Variants in HPS3 observed in about 807,000 individuals in gnomAD.
HPS3 encodes the protein HPS3 biogenesis of lysosomal organelles complex 2 subunit 1, also known as BLOC-2 complex member HPS3.
HPS3 carries 79 observed loss-of-function variants against 110.9 expected under a neutral mutation model. The ratio of observed to expected loss-of-function variants is 0.71; its 90% CI spans 0.59 to 0.86. The LOEUF is 0.86. Among genes scored for constraint, HPS3 ranks in the 40% least tolerant of loss-of-function variants. The pLI is 0.00. For missense variants in HPS3, 1,197 were observed against 1,206.2 expected (o/e 0.99, Z 0.11); for synonymous variants, 428 against 451.0 (o/e 0.95, Z 0.65).
rs759813448 is a variant in HPS3 at position 149,129,672 on chromosome 3, C to T, written c.-52C>T. ...CCTACATTCGCGGTCAGCGCGGGGT[C>T]TCCGGGCGCCCTGCAGGGCGGGCAG... On this transcript the variant is annotated 5_prime_UTR_variant, in exon 1 of 17. Transcript: ENST00000296051. 7 of 1,394,398 alleles carry T rather than the reference C, an allele frequency of 5.0e-6. No homozygotes were observed. The South Asian group carries it at 5.6e-5, about 11-fold the overall frequency. The allele number at this position is 1,394,398 out of a possible 1,614,324, so 86.4% of individuals were successfully genotyped here. A position where few individuals can be genotyped will look rare whatever the true frequency, so the allele number is the denominator to read the frequency against.
At chr3:149,162,621 C>T (rs143331107) in intron 12 of HPS3, 69 bp from the exon 13 acceptor site, 62 of 1,480,076 alleles carry the variant, frequency 4.2e-5, no homozygotes, top group Middle Eastern at 3.7e-4. Context: ...CTGTGATATT[C>T]AGCCCAGCTG....
At position 149,150,673 on chromosome 3, in the gene HPS3, C is replaced by A; in HGVS notation, c.1238C>A (p.Thr413Asn). 6.2e-7 allele frequency: 1 copy of A among 1,612,592 alleles called. No homozygotes were observed. The highest frequency in any genetic ancestry group is 8.5e-7 in the Non-Finnish European group (1 of 1,178,632). Residue 413 changes from threonine (T) to asparagine (N), a missense_variant, in exon 6 of 17, where the codon ACC becomes AAC. By Grantham distance (65) the Thr-to-Asn change is moderately conservative. Coordinates refer to ENST00000296051, the MANE Select transcript of HPS3 (RefSeq NM_032383.5). ...GAGGAGGACCCGTACATGGACACCA[C>A]CCTGAAGGTAAGAACTGGCTTATGA... ...AREEDPYMDT[T>N]LKACPPVSMD...
At chr3:149,160,807 C>G (rs571406430) in intron 11 of HPS3, among the ~76,000 whole-genome samples, 1 of 152,126 alleles carries the variant, frequency 6.6e-6, no homozygotes, top group African/African-American at 2.4e-5. Flanking sequence ...ATCATTTAAG[C>G]GAAGAAAATA....
At position 149,162,267 on chromosome 3, in the gene HPS3, G is replaced by T. The variant is rs745699167; in HGVS notation, c.2226G>T (p.Val742=). The change falls in exon 12 of 17, where the codon GTG becomes GTT. Residue 742 remains valine (V), a synonymous_variant. Coordinates refer to ENST00000296051, the MANE Select transcript of HPS3 (RefSeq NM_032383.5). ...HLKETQPGLL[V]ASVLGLQKNN... ...AGGAAACTCAGCCTGGATTGCTTGT[G>T]GCTTCAGTTCTGGGCTTGCAGAAGA... is the stretch of plus-strand genomic sequence containing the variant. 6.2e-7 allele frequency: 1 copy of T among 1,613,970 alleles called. No homozygotes were observed. The highest frequency in any genetic ancestry group is 8.5e-7 in the Non-Finnish European group (1 of 1,179,948).
intron 5 of HPS3, among the ~76,000 whole-genome samples, chr3:149,146,091 A>T (rs577809456): frequency 1.3e-5 from 2 of 152,336 alleles, no homozygotes; most frequent in South Asian, 4.1e-4. Context: ...TTATGCTGGC[A>T]TGTAAACTGG....
rs1425760255 is a variant in HPS3, at chr3:149,140,312, G to T, written c.526G>T (p.Glu176Ter). 5 of 1,613,736 alleles carry T rather than the reference G, an allele frequency of 3.1e-6. No individual in the cohort carries two copies. The highest frequency in any genetic ancestry group is 4.2e-6 in the Non-Finnish European group (5 of 1,179,682). Residue 176 changes from glutamate to a stop codon, truncating the protein, a stop_gained, in exon 2 of 17, where the codon GAA becomes TAA. Transcript: ENST00000296051. LOFTEE classifies it high-confidence loss of function. ...INEEFSLLDF[E>*]RSLIIHIDNI... ...TGAGGAATTCTCACTATTGGACTTT[G>T]AACGTTCTTTAATTATACACATAGA...
chr3:149,141,214 AC>A, intron 3 of HPS3, 26 bp downstream of exon 3: 1 of 891,898 alleles, frequency 1.1e-6, no homozygotes, highest in African/African-American at 2.4e-5. Context: ...TTTTTTTTTT[AC>A]CAGCATTTTA....
At chr3:149,151,200 A>ATTTTT (rs72093182) in intron 6 of HPS3, among the ~76,000 whole-genome samples, 1 of 145,920 alleles carries the variant, frequency 6.9e-6, no homozygotes, top group African/African-American at 2.5e-5. Context: ...TATTATTATT[A>ATTTTT]TTATTTTTTT....
rs527824858 is a variant in HPS3, at chr3:149,163,924, A to G, written c.2564A>G (p.Tyr855Cys). ...TCTGATTCTTTAGCTGATAAAAATT[A>G]TACAGAAGATCTTTCAAAATTACAG... ...ISSDSLADKN[Y>C]TEDLSKLQSL... is the part of the protein sequence containing the mutation. Residue 855 changes from tyrosine (Y) to cysteine (C), a missense_variant, in exon 14 of 17, where the codon TAT (tyrosine) becomes TGT (cysteine). Physicochemically the swap from Tyr to Cys is radical, Grantham distance 194. Transcript: ENST00000296051. 6.5e-7 allele frequency: 1 copy of G among 1,544,532 alleles called. No individual in the cohort carries two copies. Among genetic ancestry groups the G allele is most frequent in the Admixed American group, 1.7e-5 (1 of 59,832 alleles).
At chr3:149,165,122 A>G (rs1238094181) in intron 14 of HPS3, among the ~76,000 whole-genome samples, 1 of 152,216 alleles carries the variant, frequency 6.6e-6, no homozygotes, top group Non-Finnish European at 1.5e-5. Context: ...CTATTGTGAT[A>G]CAAAGGCTTC....
intron 11 of HPS3, among the ~76,000 whole-genome samples, chr3:149,161,732 A>G (rs1035625267): frequency 1.2e-4 from 18 of 151,752 alleles, no homozygotes; most frequent in Admixed American, 2.0e-4. Context: ...CTGGTCTCGA[A>G]CTCCTGACCT....
At chr3:149,157,931 AC>A (rs1407682017) in intron 9 of HPS3, among the ~76,000 whole-genome samples, 2 of 152,352 alleles carry the variant, frequency 1.3e-5, no homozygotes, top group East Asian at 3.9e-4. Context: ...TTCCATTCTG[AC>A]AAGGGCTTAG....
At chr3:149,165,959 T>G in intron 14 of HPS3, 1 of 454,592 alleles carries the variant, frequency 2.2e-6, no homozygotes, top group Admixed American at 2.4e-5. Flanking sequence ...ATTCTCCTGG[T>G]CATTCCTTGG....
At chr3:149,164,691 A>C (rs1237124953) in intron 14 of HPS3, among the ~76,000 whole-genome samples, 2 of 152,166 alleles carry the variant, frequency 1.3e-5, no homozygotes, top group Non-Finnish European at 2.9e-5. Flanking sequence ...AAAATTTAGC[A>C]GCTCCGTTAA....
At chr3:149,154,932 G>A (rs554583516) in intron 7 of HPS3, among the ~76,000 whole-genome samples, 175 bp from the exon 8 acceptor site, 1 of 152,336 alleles carries the variant, frequency 6.6e-6, no homozygotes, top group Admixed American at 6.5e-5. Context: ...AATGCAGTTA[G>A]CCTATGTAGT....
chr3:149,158,549 A>G, intron 9 of HPS3, 117 bp from the exon 10 acceptor site: 2 of 990,732 alleles, frequency 2.0e-6, no homozygotes, highest in Admixed American at 3.5e-5. Flanking sequence ...GCACTTTGGG[A>G]GGCTGAGGTA....
Position 149,167,921 on chromosome 3 carries a change from A to G in HPS3, c.2825A>G (p.Glu942Gly). The G allele has an allele frequency of 6.2e-7, 1 of 1,608,040 alleles. No individual in the cohort carries two copies. The highest frequency in any genetic ancestry group is 1.7e-5 in the Admixed American group (1 of 60,014). ...RTLWWKKLLP[E>G]LCQRIKCGGE... The stretch of plus-strand genomic sequence containing the variant: ...CTGTGGTGGAAAAAACTGTTGCCTG[A>G]ACTTTGTCAGAGAATAAAATGTGGT... The change falls in exon 16 of 17, where the codon GAA (glutamate) becomes GGA (glycine). Residue 942 changes from glutamate to glycine, a missense_variant. Coordinates refer to ENST00000296051, the MANE Select transcript of HPS3 (RefSeq NM_032383.5).
intron 1 of HPS3, 199 bp downstream of exon 1, chr3:149,130,139 A>G (rs1354805603): frequency 5.0e-6 from 3 of 597,320 alleles, no homozygotes; most frequent in African/African-American, 1.9e-5. Context: ...AAGCATAGGT[A>G]TGAGCTTGCT....
rs140861574 is a variant in HPS3 at position 149,142,559 on chromosome 3, A to G, written c.970+1179A>G. The stretch of plus-strand genomic sequence containing the variant: ...GGCACCATGATTGAGAATCACTAAT[A>G]GGCCCTGCACTCAGTTCTGGCCTGA... On this transcript the variant is annotated intron_variant, in intron 4 of 16. Transcript: ENST00000296051. Among the ~76,000 whole-genome samples, 606 of 152,356 alleles carry G rather than the reference A, an allele frequency of 4.0e-3. 8 individuals are homozygous for G. Among genetic ancestry groups the G allele is most frequent in the African/African-American group, 0.014 (579 of 41,576 alleles).
Sources: gnomAD v4.1 joint callset for allele counts (sites outside exome capture counted in the v4.1 genomes callset) on GRCh38, gnomAD v4.1.1 for gene constraint, MANE v1.5 for transcripts, NCBI Gene and HGNC (gene_info 2026-07-23, HGNC 2026-07-21) for gene names.